CAPNS1: variants seen among roughly 807,000 people sequenced by gnomAD.
CAPNS1 encodes the protein CANP small subunit.
A neutral mutation model predicts 39.2 loss-of-function variants in CAPNS1; 32 were observed. The observed-to-expected ratio is 0.82, with a 90% CI of 0.62 to 1.10. The LOEUF (loss-of-function observed/expected upper bound fraction) is 1.10, where lower values mean the gene tolerates loss of function less well. Ranked by LOEUF, CAPNS1 falls within the 50% of genes least tolerant of loss-of-function variation. The pLI is 0.00. For synonymous variants in CAPNS1, 153 were observed against 136.2 expected, an observed-to-expected ratio of 1.12 and a Z score of -0.86; for missense variants, 353 against 373.1, an observed-to-expected ratio of 0.95 and a Z score of 0.44.
In CAPNS1 at chr19:36,149,886, C is replaced by T. The variant is rs7258813; in HGVS notation, c.*47C>T. The T allele has an allele frequency of 7.3e-4, 1,018 of 1,396,622 alleles. 7 individuals are homozygous for T. In the South Asian group the frequency reaches 0.011, roughly 15 times the overall value. The allele number at this position is 1,396,622 out of a possible 1,614,324, so 86.5% of individuals were successfully genotyped here. ...CCTCACTGCCTTGCTATAGGAGTCA[C>T]CTGGAGCCTCGGTCTCTCCCAGGGC... is the stretch of plus-strand genomic sequence containing the variant. On this transcript the variant is annotated 3_prime_UTR_variant, in exon 11 of 11. Coordinates refer to ENST00000246533, the MANE Select transcript of CAPNS1 (RefSeq NM_001749.4).
chr19:36,146,113 C>A, intron 8 of CAPNS1, 59 bp downstream of exon 8: 2 of 1,594,500 alleles, frequency 1.3e-6, no homozygotes, highest in South Asian at 1.1e-5. Flanking sequence ...AACCTCTACT[C>A]AGCTGGTCTG....
In CAPNS1 at chr19:36,142,967, G is replaced by A. The variant is rs777036361; in HGVS notation, c.391+1G>A. 8 of 1,614,042 alleles carry A rather than the reference G, an allele frequency of 5.0e-6. No individual in the cohort carries two copies. Among genetic ancestry groups the A allele is most frequent in the African/African-American group, 2.7e-5 (2 of 74,916 alleles). On this transcript the variant is annotated splice_donor_variant, in intron 5 of 10. Coordinates refer to ENST00000246533, the MANE Select transcript of CAPNS1 (RefSeq NM_001749.4). LOFTEE classifies it high-confidence loss of function. Reference sequence around the variant, plus strand: ...ATTCTCAATAAGGTTGTGACACGACGTAAGTGACCGGGGTTAAGGAATAGG... The same window carrying A: ...ATTCTCAATAAGGTTGTGACACGACATAAGTGACCGGGGTTAAGGAATAGG...
At chr19:36,147,652 G>C (rs1974618885) in intron 9 of CAPNS1, among the ~76,000 whole-genome samples, 1 of 152,172 alleles carries the variant, frequency 6.6e-6, no homozygotes, top group Non-Finnish European at 1.5e-5. Context: ...TGTAGTCCCA[G>C]CTACTTGGGA....
intron 3 of CAPNS1, 22 bp from the exon 4 acceptor site, chr19:36,142,630 C>T: frequency 6.2e-7 from 1 of 1,609,966 alleles, no homozygotes. Context: ...TCCCCCTGCT[C>T]TGAGCTCTCC....
At chr19:36,146,389 C>A in intron 9 of CAPNS1, 77 bp downstream of exon 9, 1 of 927,130 alleles carries the variant, frequency 1.1e-6, no homozygotes, top group South Asian at 1.3e-5. Context: ...CTAAGCCTGA[C>A]TTTGAGGTGG....
At position 36,146,325 on chromosome 19, in the gene CAPNS1, C is replaced by A. The variant is rs368762450; in HGVS notation, c.721+13C>A. On this transcript the variant is annotated intron_variant, in intron 9 of 10. Coordinates refer to ENST00000246533, the MANE Select transcript of CAPNS1 (RefSeq NM_001749.4). The stretch of plus-strand genomic sequence containing the variant: ...GACGCCATGTTCCGTGAGTGACAAC[C>A]CAGCTGTCTTCCTGGGTGGGGATTC... 6.4e-4 allele frequency: 994 copies of A among 1,563,714 alleles called. No individual in the cohort carries two copies. The highest frequency in any genetic ancestry group is 8.1e-4 in the Non-Finnish European group (914 of 1,134,568).
intron 9 of CAPNS1, among the ~76,000 whole-genome samples, chr19:36,149,118 T>C (rs1974681085): frequency 6.6e-6 from 1 of 152,228 alleles, no homozygotes; most frequent in African/African-American, 2.4e-5. Flanking sequence ...GAGGCCATTA[T>C]TGAGGAGGGT....
intron 9 of CAPNS1, among the ~76,000 whole-genome samples, chr19:36,148,775 T>G (rs1290361901): frequency 1.3e-5 from 2 of 151,876 alleles, no homozygotes; most frequent in Non-Finnish European, 2.9e-5. Context: ...ATCGTGCCAC[T>G]GCACTCCAGC....
In CAPNS1 at chr19:36,142,737, G is replaced by A. The variant is rs780325714; in HGVS notation, c.329G>A (p.Gly110Glu). ...CGGAGACTCTTTGCCCAGCTGGCTG[G>A]AGATGTAAGTAACCTGGGGTCCCTG... ...QFRRLFAQLA[G>E]DDMEVSATEL... is the part of the protein sequence containing the mutation. Residue 110 changes from glycine (G) to glutamate (E), a missense_variant, in exon 4 of 11, where the codon GGA becomes GAA. Transcript: ENST00000246533. 2 of 1,613,838 alleles carry A rather than the reference G, an allele frequency of 1.2e-6. No homozygotes were observed. The highest frequency in any genetic ancestry group is 2.7e-5 in the African/African-American group (2 of 74,920).
chr19:36,145,527 A>G (rs1343737882), intron 6 of CAPNS1: 1 of 363,064 alleles, frequency 2.8e-6, no homozygotes, highest in African/African-American at 2.1e-5. Context: ...CTGAATGAGC[A>G]ATTAACAACT....
chr19:36,142,754 G>C lies in CAPNS1; in HGVS notation c.333+13G>C. The stretch of plus-strand genomic sequence containing the variant: ...GCTGGCTGGAGATGTAAGTAACCTG[G>C]GGTCCCTGGCCCCGTCCTAACCGTT... On this transcript the variant is annotated intron_variant, in intron 4 of 10. Transcript: ENST00000246533. The C allele has an allele frequency of 6.2e-7, 1 of 1,612,032 alleles. No individual in the cohort carries two copies. Among genetic ancestry groups the C allele is most frequent in the Non-Finnish European group, 8.5e-7 (1 of 1,178,148 alleles).
chr19:36,141,219 A>G lies in CAPNS1; in HGVS notation c.208A>G (p.Ser70Gly), dbSNP rs1218750927. The change falls in exon 2 of 11, where the codon AGC becomes GGC. Residue 70 changes from serine (S) to glycine (G), a missense_variant and splice_region_variant. Transcript: ENST00000246533. The stretch of plus-strand genomic sequence containing the variant: ...CCTAGGCGGAGTCATCAGCGCCATC[A>G]GGTAAGGCGGAGACTATCAGAGGGG... Reference protein sequence around the residue: ...RILGGVISAISEAAAQYNPEP... With the variant: ...RILGGVISAIGEAAAQYNPEP... The G allele has an allele frequency of 4.0e-6, 6 of 1,505,338 alleles. No homozygotes were observed. Among genetic ancestry groups the G allele is most frequent in the East Asian group, 2.7e-5 (1 of 36,644 alleles). 93.2% of individuals were successfully genotyped at this position (1,505,338 alleles called of 1,614,324 possible).
In CAPNS1 at chr19:36,150,009, A is replaced by G; in HGVS notation, c.*170A>G. ...CCAGCTTCTCAACATCCAGGGCCCA[A>G]TTTGCCCTGCCTGGAGTTCCCCCTG... On this transcript the variant is annotated 3_prime_UTR_variant, in exon 11 of 11. Coordinates refer to ENST00000246533, the MANE Select transcript of CAPNS1 (RefSeq NM_001749.4). 1.8e-6 allele frequency: 1 copy of G among 559,064 alleles called. No homozygotes were observed. Among genetic ancestry groups the G allele is most frequent in the Non-Finnish European group, 2.8e-6 (1 of 358,126 alleles). 34.6% of individuals were successfully genotyped at this position (559,064 alleles called of 1,614,324 possible). A position where few individuals can be genotyped will look rare whatever the true frequency, so the allele number is the denominator to read the frequency against.
chr19:36,145,807 G>A lies in CAPNS1; in HGVS notation c.458G>A (p.Ser153Asn). 2 of 1,613,994 alleles carry A rather than the reference G, an allele frequency of 1.2e-6. No individual in the cohort carries two copies. The highest frequency in any genetic ancestry group is 1.7e-6 in the Non-Finnish European group (2 of 1,179,922). The part of the protein sequence containing the change: ...TCRSMVAVMD[S>N]DTTGKLGFEE... ...CTCTTCTTAACACCCTCCCACCAGA[G>A]CGACACCACAGGCAAGCTGGGCTTT... Residue 153 changes from serine to asparagine, a missense_variant and splice_region_variant, in exon 7 of 11, where the codon AGC becomes AAC. Transcript: ENST00000246533.
intron 6 of CAPNS1, among the ~76,000 whole-genome samples, chr19:36,144,565 A>G (rs915361852): frequency 1.3e-5 from 2 of 152,236 alleles, no homozygotes; most frequent in Admixed American, 6.5e-5. Flanking sequence ...AAAATATTTT[A>G]TAGAGAAAAG....
intron 6 of CAPNS1, chr19:36,144,188 AAAAGAAAAAAAAAG>A (rs1220194267): frequency 6.6e-6 from 1 of 150,788 alleles, no homozygotes; most frequent in Non-Finnish European, 1.5e-5. Flanking sequence ...AAAAAAAAAA[AAAAGAAAAAAAAAG>A]AAAAATAACA....
rs756889786 is a variant in CAPNS1, at chr19:36,142,905, G to A, written c.334-4G>A. ...CCTGACCTGCCCCTAACTTCCGCCC[G>A]CAGGACATGGAGGTCAGCGCCACAG... On this transcript the variant is annotated splice_polypyrimidine_tract_variant and splice_region_variant and intron_variant, in intron 4 of 10. Transcript: ENST00000246533. 16 of 1,613,950 alleles carry A rather than the reference G, an allele frequency of 9.9e-6. No individual in the cohort carries two copies. The East Asian group carries it at 1.8e-4, about 18-fold the overall frequency.
Position 36,143,091 on chromosome 19 carries a change from G to T in CAPNS1, c.419G>T (p.Gly140Val). Residue 140 changes from glycine to valine, a missense_variant, in exon 6 of 11, where the codon GGC becomes GTC. Gly to Val is a moderately radical substitution (Grantham distance 109). Coordinates refer to ENST00000246533, the MANE Select transcript of CAPNS1 (RefSeq NM_001749.4). Reference sequence around the variant, plus strand: ...CCTGATCTGAAGACTGATGGTTTTGGCATTGACACATGTCGCAGCATGGTG... The same window carrying T: ...CCTGATCTGAAGACTGATGGTTTTGTCATTGACACATGTCGCAGCATGGTG... The part of the protein sequence containing the change: ...RHPDLKTDGF[G>V]IDTCRSMVAV... 1 of 1,614,188 alleles carries T rather than the reference G, an allele frequency of 6.2e-7. No homozygotes were observed. Among genetic ancestry groups the T allele is most frequent in the Non-Finnish European group, 8.5e-7 (1 of 1,180,032 alleles).
In CAPNS1 at chr19:36,142,296, G is replaced by A. The variant is rs1285430480; in HGVS notation, c.210-4G>A. The stretch of plus-strand genomic sequence containing the variant: ...ACTAACCCCTCCCCCTTATCTCTTC[G>A]CAGCGAGGCGGCTGCGCAGTACAAC... On this transcript the variant is annotated splice_polypyrimidine_tract_variant and splice_region_variant and intron_variant, in intron 2 of 10. Transcript: ENST00000246533. 4 of 1,580,218 alleles carry A rather than the reference G, an allele frequency of 2.5e-6. No homozygotes were observed. Among genetic ancestry groups the A allele is most frequent in the South Asian group, 1.1e-5 (1 of 90,066 alleles).
Sources: allele counts gnomAD v4.1 joint callset (sites outside exome capture counted in the v4.1 genomes callset), GRCh38; gene constraint gnomAD v4.1.1; transcripts MANE v1.5; gene names NCBI Gene and HGNC (gene_info 2026-07-23, HGNC 2026-07-21).